The following FAM177A1 variants were observed in gnomAD, a reference collection of about 807,000 sequenced individuals.
The protein encoded by FAM177A1 is family with sequence similarity 177 member A1, also known as protein FAM177A1.
FAM177A1 carries 22 observed loss-of-function variants against 26.1 expected under a neutral mutation model. That is an observed-to-expected ratio of 0.84 (90% CI 0.60 to 1.20). The LOEUF is 1.20. FAM177A1 is among the 50% of genes most tolerant of loss of function. The pLI is 0.00. For synonymous variants in FAM177A1, 95 were observed against 99.3 expected (o/e 0.96, Z 0.26); for missense variants, 296 against 291.1 (o/e 1.02, Z -0.12).
At chr14:35,065,033 G>A (rs370301538) in intron 2 of FAM177A1, among the ~76,000 whole-genome samples, 2 of 151,726 alleles carry the variant, frequency 1.3e-5, no homozygotes, top group East Asian at 3.9e-4. Context: ...AATTTTTTAT[G>A]TACGCTCATG....
intron 2 of FAM177A1, among the ~76,000 whole-genome samples, chr14:35,071,365 A>C (rs1006990901): frequency 6.6e-6 from 1 of 152,190 alleles, no homozygotes; most frequent in Non-Finnish European, 1.5e-5. Flanking sequence ...AAATTGTTTT[A>C]ATAAGAAAAG....
rs147961973 is a variant in FAM177A1, at chr14:35,053,450, C to G, written c.338C>G (p.Pro113Arg). The G allele has an allele frequency of 1.2e-6, 2 of 1,613,648 alleles. No individual in the cohort carries two copies. The highest frequency in any genetic ancestry group is 1.7e-6 in the Non-Finnish European group (2 of 1,179,908). Residue 113 changes from proline to arginine, a missense_variant and splice_region_variant, in exon 2 of 5, where the codon CCG (proline) becomes CGG (arginine). Physicochemically the swap from Pro to Arg is moderately radical, Grantham distance 103. Coordinates refer to ENST00000280987, the MANE Select transcript of FAM177A1 (RefSeq NM_173607.5). ...AAAGATGTTTTGCCTACTGTTGATCCGGTAGGTTTGATATTGATGATTCTT... is the reference window on the plus strand; with the variant it reads ...AAAGATGTTTTGCCTACTGTTGATCGGGTAGGTTTGATATTGATGATTCTT... The part of the protein sequence containing the change: ...EKKDVLPTVD[P>R]TKLTWGPYLW...
intron 2 of FAM177A1, among the ~76,000 whole-genome samples, chr14:35,060,209 A>G (rs752940928): frequency 3.3e-5 from 5 of 149,570 alleles, no homozygotes; most frequent in Non-Finnish European, 5.9e-5. Context: ...TCCTGACCTC[A>G]TTTGATCCAC....
At chr14:35,072,261 A>G (rs928826570) in intron 2 of FAM177A1, among the ~76,000 whole-genome samples, 1 of 151,986 alleles carries the variant, frequency 6.6e-6, no homozygotes, top group African/African-American at 2.4e-5. Flanking sequence ...GGTGACAAAG[A>G]AAAGATAAAA....
intron 1 of FAM177A1, chr14:35,049,913 G>C (rs571064643): frequency 9.8e-5 from 15 of 152,296 alleles, no homozygotes; most frequent in African/African-American, 3.6e-4. Context: ...CTATCTTTCA[G>C]ATCTTTGGGG....
chr14:35,066,117 A>G (rs900734363), intron 2 of FAM177A1, among the ~76,000 whole-genome samples: 2 of 151,848 alleles, frequency 1.3e-5, no homozygotes, highest in Non-Finnish European at 1.5e-5. Flanking sequence ...CCCAGGCTGT[A>G]GTAAAGTGGC....
intron 2 of FAM177A1, among the ~76,000 whole-genome samples, chr14:35,069,857 C>T (rs1483710058): frequency 6.6e-6 from 1 of 151,590 alleles, no homozygotes; most frequent in Non-Finnish European, 1.5e-5. Flanking sequence ...GTGGCTCACA[C>T]CTGTAATCCC....
intron 4 of FAM177A1, 35 bp downstream of exon 4, chr14:35,079,059 T>G (rs1318841276): frequency 6.6e-7 from 1 of 1,505,548 alleles, no homozygotes; most frequent in East Asian, 2.5e-5. Context: ...TGATTCAGTT[T>G]GGTTTGCTAT....
intron 2 of FAM177A1, among the ~76,000 whole-genome samples, chr14:35,075,642 T>C (rs1053512592): frequency 1.3e-5 from 2 of 152,116 alleles, no homozygotes; most frequent in African/African-American, 4.8e-5. Flanking sequence ...CAAAAGAAGC[T>C]ACCATCAGAG....
intron 2 of FAM177A1, among the ~76,000 whole-genome samples, chr14:35,074,381 AG>A (rs1487794334): frequency 6.6e-6 from 1 of 152,132 alleles, no homozygotes; most frequent in East Asian, 1.9e-4. Context: ...GCTGGAGTGC[AG>A]GGGCTCAATC....
chr14:35,073,425 C>T (rs1247058476), intron 2 of FAM177A1, among the ~76,000 whole-genome samples: 1 of 152,132 alleles, frequency 6.6e-6, no homozygotes, highest in Admixed American at 6.6e-5. Context: ...GTGTAATGAG[C>T]CTTAAAGGTC....
intron 2 of FAM177A1, among the ~76,000 whole-genome samples, chr14:35,071,297 G>A (rs185070285): frequency 9.9e-5 from 15 of 152,040 alleles, no homozygotes; most frequent in African/African-American, 2.9e-4. Context: ...GCACCCGGCC[G>A]ACCTCCATTT....
intron 4 of FAM177A1, 64 bp from the exon 5 acceptor site, chr14:35,080,958 C>T: frequency 2.4e-6 from 3 of 1,263,040 alleles, no homozygotes; most frequent in Non-Finnish European, 3.0e-6. Flanking sequence ...GTGGGGAAAA[C>T]AGCACTATAT....
intron 1 of FAM177A1, among the ~76,000 whole-genome samples, chr14:35,048,408 T>C (rs12323860): frequency 0.014 from 2,194 of 152,164 alleles, 40 homozygotes; most frequent in African/African-American, 0.047. Flanking sequence ...AAATAAGTAC[T>C]TAACCAGTAA....
chr14:35,047,779 CAACA>C lies in FAM177A1; in HGVS notation c.165+1154_165+1157del, dbSNP rs1168834451. On this transcript the variant is annotated intron_variant, in intron 1 of 4. Coordinates refer to ENST00000280987, the MANE Select transcript of FAM177A1 (RefSeq NM_173607.5). The stretch of plus-strand genomic sequence containing the variant: ...GCAACAACAACAACAACAACAACAA[CAACA>C]AAAAAAAAACCCTTGAGTTGCTCAT... Among the ~76,000 whole-genome samples the C allele has an allele frequency of 1.8e-3, 92 of 52,032 alleles. 1 individual carries two copies. In the East Asian group the frequency reaches 0.046, roughly 26 times the overall value. 34.1% of individuals were successfully genotyped at this position (52,032 alleles called of 152,430 possible).
Position 35,070,193 on chromosome 14 carries a change from C to T in FAM177A1, c.340-6957C>T, listed in dbSNP as rs17511093. ...CTTTTTATAATCTTATAGTAACTCA[C>T]TTCAATTTTACCTTAGATGTACCTT... On this transcript the variant is annotated intron_variant, in intron 2 of 4. Transcript: ENST00000280987. Among the ~76,000 whole-genome samples, 3 of 142,992 alleles carry T rather than the reference C, an allele frequency of 2.1e-5. No individual in the cohort carries two copies. In the Admixed American group the frequency reaches 2.1e-4, roughly 10 times the overall value. 93.8% of individuals were successfully genotyped at this position (142,992 alleles called of 152,430 possible).
chr14:35,051,736 C>T (rs1595036930), intron 1 of FAM177A1, among the ~76,000 whole-genome samples: 1 of 152,232 alleles, frequency 6.6e-6, no homozygotes, highest in East Asian at 1.9e-4. Flanking sequence ...TCATGATCTG[C>T]AGTTCAAATC....
intron 4 of FAM177A1, 103 bp from the exon 5 acceptor site, chr14:35,080,919 T>C: frequency 5.7e-5 from 78 of 1,366,460 alleles, no homozygotes; most frequent in South Asian, 2.1e-4. Flanking sequence ...ACACTTTTTT[T>C]TTTTTTTTTT....
chr14:35,047,617 C>T (rs1247825162), intron 1 of FAM177A1, among the ~76,000 whole-genome samples: 3 of 152,086 alleles, frequency 2.0e-5, no homozygotes, highest in East Asian at 1.9e-4. Flanking sequence ...GGCGTGGTGG[C>T]GCTCGCCTGT....
Sources: gnomAD v4.1 joint callset for allele counts (sites outside exome capture counted in the v4.1 genomes callset) on GRCh38, gnomAD v4.1.1 for gene constraint, MANE v1.5 for transcripts, NCBI Gene and HGNC (gene_info 2026-07-23, HGNC 2026-07-21) for gene names.